Variants in DDX17 observed in about 807,000 individuals in gnomAD.
DDX17 encodes probable ATP-dependent RNA helicase DDX17.
A neutral mutation model predicts 80.8 loss-of-function variants in DDX17; 10 were observed. The observed-to-expected ratio is 0.12, with a 90% confidence interval of 0.08 to 0.21. The LOEUF (loss-of-function observed/expected upper bound fraction) is 0.21. DDX17 is among the 10% of genes least tolerant of loss of function. DDX17 has a pLI of 1.00. For missense variants in DDX17, 586 were observed against 957.4 expected, an observed-to-expected ratio of 0.61 and a Z score of 5.12; for synonymous variants, 339 against 336.2, an observed-to-expected ratio of 1.01 and a Z score of -0.09.
chr22:38,486,514 G>C, intron 12 of DDX17, 74 bp from the exon 13 acceptor site: 10 of 1,459,266 alleles, frequency 6.9e-6, no homozygotes, highest in Non-Finnish European at 9.1e-6. Flanking sequence ...AATTCTACTG[G>C]GTACAAAAGT....
In DDX17 at chr22:38,499,431, G is replaced by A. The variant is rs765975805; in HGVS notation, c.507C>T (p.Pro169=). 12 of 1,613,826 alleles carry A rather than the reference G, an allele frequency of 7.4e-6. No individual in the cohort carries two copies. The highest frequency in any genetic ancestry group is 4.4e-5 in the South Asian group (4 of 91,080). ...AGTTAGCATGATGGAAGGCAAACACGGGTTTAGGACAAACATCTCCCCCCC... is the reference window on the plus strand; with the variant it reads ...AGTTAGCATGATGGAAGGCAAACACAGGTTTAGGACAAACATCTCCCCCCC... Residue 169 remains proline, a synonymous_variant, in exon 3 of 13, where the codon CCC becomes CCT. Coordinates refer to ENST00000403230, the MANE Select transcript of DDX17 (RefSeq NM_006386.5).
At position 38,501,453 on chromosome 22, in the gene DDX17, A is replaced by T. The variant is rs575765252; in HGVS notation, c.288-173T>A. Among the ~76,000 whole-genome samples, 4 of 152,328 alleles carry T rather than the reference A, an allele frequency of 2.6e-5. No individual in the cohort carries two copies. In the South Asian group the frequency reaches 8.3e-4, roughly 32 times the overall value. ...TGGAGAAATGTGTAAAACCTCCCTT[A>T]CTACCCAACAATAAATACTGTTTAT... On this transcript the variant is annotated intron_variant, in intron 1 of 12. Transcript: ENST00000403230.
intron 1 of DDX17, among the ~76,000 whole-genome samples, 154 bp from the exon 2 acceptor site, chr22:38,501,434 A>G (rs952940409): frequency 6.6e-6 from 1 of 152,232 alleles, no homozygotes; most frequent in African/African-American, 2.4e-5. Context: ...GGTATGGAGA[A>G]ATGTGTAAAA....
chr22:38,504,326 T>C (rs1482282487), intron 1 of DDX17, among the ~76,000 whole-genome samples: 3 of 152,244 alleles, frequency 2.0e-5, no homozygotes, highest in African/African-American at 7.2e-5. Context: ...CCACAATTTA[T>C]GGAGACATTT....
intron 11 of DDX17, 21 bp downstream of exon 11, chr22:38,492,035 G>A (rs995660167): frequency 1.3e-5 from 20 of 1,571,150 alleles, no homozygotes; most frequent in Non-Finnish European, 1.6e-5. Flanking sequence ...ACCATTGACA[G>A]AGACACCTAT....
chr22:38,503,502 CAT>C (rs1166599036), intron 1 of DDX17, among the ~76,000 whole-genome samples: 4 of 152,046 alleles, frequency 2.6e-5, no homozygotes, highest in Non-Finnish European at 2.9e-5. Flanking sequence ...TAATTTGAAA[CAT>C]GTGGTTCTTG....
intron 3 of DDX17, 150 bp from the exon 4 acceptor site, chr22:38,498,723 AC>A: frequency 1.2e-6 from 1 of 811,220 alleles, no homozygotes; most frequent in Admixed American, 2.6e-5. Flanking sequence ...TCTCCGACCA[AC>A]TCACTGTTAG....
At chr22:38,487,488 G>A (rs932972935) in intron 12 of DDX17, among the ~76,000 whole-genome samples, 64 of 151,334 alleles carry the variant, frequency 4.2e-4, no homozygotes, top group African/African-American at 1.3e-3. Context: ...GTGTGCTGGC[G>A]GGTGCCTGTA....
chr22:38,504,224 C>A (rs2089858134), intron 1 of DDX17, among the ~76,000 whole-genome samples: 1 of 152,228 alleles, frequency 6.6e-6, no homozygotes, highest in Admixed American at 6.5e-5. Flanking sequence ...CACCCTACCA[C>A]AACGTGCTTT....
Position 38,487,878 on chromosome 22 carries a change from C to A in DDX17, c.1684+1G>T, listed in dbSNP as rs377484512. The A allele has an allele frequency of 3.1e-6, 5 of 1,613,990 alleles. No homozygotes were observed. The highest frequency in any genetic ancestry group is 4.2e-6 in the Non-Finnish European group (5 of 1,180,044). On this transcript the variant is annotated splice_donor_variant, in intron 12 of 12. Transcript: ENST00000403230. LOFTEE classifies it high-confidence loss of function. ...TGGAAAACTCCAGGACTTACCCTTA[C>A]CCCCGCCTCCGCCGCCTCCTCTGTG... is the stretch of plus-strand genomic sequence containing the variant.
Position 38,498,538 on chromosome 22 carries a change from T to C in DDX17, c.574A>G (p.Thr192Ala). 1 of 1,614,214 alleles carries C rather than the reference T, an allele frequency of 6.2e-7. No individual in the cohort carries two copies. The highest frequency in any genetic ancestry group is 2.2e-5 in the East Asian group (1 of 44,892). The change falls in exon 4 of 13, where the codon ACA becomes GCA. Residue 192 changes from threonine (T) to alanine (A), a missense_variant. Around this residue, in one of 4 missense-constraint regions of DDX17, gnomAD observed 141 missense variants for 379.3 expected, o/e 0.37. Transcript: ENST00000403230. ...TGGCACTGAATTGGAGTTGGTTCTG[T>C]AAAGTGCTGATCCATCAACACATCC...
intron 2 of DDX17, 25 bp from the exon 3 acceptor site, chr22:38,499,524 T>C (rs1314684696): frequency 2.0e-6 from 3 of 1,516,552 alleles, no homozygotes; most frequent in Non-Finnish European, 2.7e-6. Context: ...TGAAAGAAGT[T>C]AGTAAACTAG....
In DDX17 at chr22:38,489,894, C is replaced by G. The variant is rs1196448014; in HGVS notation, c.1448-1779G>C. 1 of 986,870 alleles carries G rather than the reference C, an allele frequency of 1.0e-6. No homozygotes were observed. Among genetic ancestry groups the G allele is most frequent in the Non-Finnish European group, 1.2e-6 (1 of 830,982 alleles). 61.1% of individuals were successfully genotyped at this position (986,870 alleles called of 1,614,324 possible). A position where few individuals can be genotyped will look rare whatever the true frequency, so the allele number is the denominator to read the frequency against. On this transcript the variant is annotated intron_variant, in intron 11 of 12. Coordinates refer to ENST00000403230, the MANE Select transcript of DDX17 (RefSeq NM_006386.5). The surrounding 1 kb of genome is among the most constrained non-coding windows in gnomAD (Gnocchi z 4.6). Reference sequence around the variant, plus strand: ...TGGTATCTTCAGAGCTAGGATAATGCTCCTTATGCAATCCCACTGCATATG... The same window carrying G: ...TGGTATCTTCAGAGCTAGGATAATGGTCCTTATGCAATCCCACTGCATATG...
At chr22:38,488,614 C>T (rs1289817383) in intron 11 of DDX17, 2 of 988,332 alleles carry the variant, frequency 2.0e-6, no homozygotes, top group Non-Finnish European at 2.4e-6. Context: ...AAAAAAGGAG[C>T]TTCATATATT....
chr22:38,492,925 AAC>A (rs1228172780), intron 10 of DDX17, among the ~76,000 whole-genome samples: 6 of 152,228 alleles, frequency 3.9e-5, no homozygotes, highest in Non-Finnish European at 1.5e-5. Context: ...ATATTTCAGT[AAC>A]AGTTTAATTC....
chr22:38,500,092 C>T (rs904069000), intron 2 of DDX17, among the ~76,000 whole-genome samples: 2 of 148,702 alleles, frequency 1.3e-5, no homozygotes, highest in Non-Finnish European at 3.0e-5. Flanking sequence ...GGGAGAATTG[C>T]TTGAACCTGG....
At chr22:38,504,914 C>CGG (rs149777686) in intron 1 of DDX17, among the ~76,000 whole-genome samples, 10 of 146,060 alleles carry the variant, frequency 6.8e-5, no homozygotes, top group Non-Finnish European at 1.3e-4. Context: ...TTTGGGGAAG[C>CGG]GGGGGGGTCG....
chr22:38,495,994 AAAAAAG>A, intron 5 of DDX17, 57 bp from the exon 6 acceptor site: 2 of 1,404,698 alleles, frequency 1.4e-6, no homozygotes, highest in Non-Finnish European at 9.4e-7. Flanking sequence ...AAAAAAAAAA[AAAAAAG>A]AAGAAACAAA....
intron 1 of DDX17, among the ~76,000 whole-genome samples, chr22:38,504,267 A>G (rs752654019): frequency 2.6e-5 from 4 of 152,214 alleles, no homozygotes; most frequent in Non-Finnish European, 5.9e-5. Context: ...TATCCACATT[A>G]ATCCAAGTTC....
Sources: gnomAD v4.1 joint callset for allele counts (sites outside exome capture counted in the v4.1 genomes callset) on GRCh38, gnomAD v4.1.1 for gene constraint, gnomAD v4.1.1 regional missense constraint, Gnocchi (gnomAD v3.1) non-coding constraint, MANE v1.5 for transcripts, NCBI Gene and HGNC (gene_info 2026-07-23, HGNC 2026-07-21) for gene names.